The following CSMD3 variants were observed in gnomAD, a reference collection of about 807,000 sequenced individuals.
The protein encoded by CSMD3 is CUB and Sushi multiple domains 3.
In CSMD3, 177 loss-of-function variants were observed where a neutral mutation model predicts 435.2. The ratio of observed to expected loss-of-function variants is 0.41; its 90% CI spans 0.36 to 0.46. The LOEUF (loss-of-function observed/expected upper bound fraction) is 0.46, where lower values mean the gene tolerates loss of function less well. Among genes scored for constraint, CSMD3 ranks in the 20% least tolerant of loss-of-function variants. CSMD3 has a pLI of 0.34. For missense variants in CSMD3, 4,265 were observed against 4,504.6 expected (o/e 0.95, Z 1.52); for synonymous variants, 1,656 against 1,520.5 (o/e 1.09, Z -2.07).
chr8:112,727,701 A>G (rs1259221324), intron 13 of CSMD3, among the ~76,000 whole-genome samples: 2 of 151,832 alleles, frequency 1.3e-5, no homozygotes, highest in East Asian at 1.9e-4. Flanking sequence ...TTACAAGTAC[A>G]ATTACTGTGA....
chr8:112,811,500 T>TG (rs1237792776), intron 12 of CSMD3, among the ~76,000 whole-genome samples: 2 of 152,164 alleles, frequency 1.3e-5, no homozygotes, highest in Non-Finnish European at 2.9e-5. Flanking sequence ...GATTGTATCC[T>TG]GTCTTCCTGT....
chr8:112,557,234 T>G (rs563612863), intron 24 of CSMD3, among the ~76,000 whole-genome samples: 13 of 152,048 alleles, frequency 8.5e-5, no homozygotes, highest in African/African-American at 3.1e-4. Flanking sequence ...CTTCAAGTGA[T>G]TTAGAGTTAA....
At chr8:112,337,776 G>A (rs1357942430) in intron 42 of CSMD3, 45 bp from the exon 43 acceptor site, 5 of 1,503,574 alleles carry the variant, frequency 3.3e-6, no homozygotes, top group Non-Finnish European at 3.7e-6. Context: ...CCAAATTTCA[G>A]AGGCCACAGA....
At chr8:112,996,969 T>C (rs1206896920) in intron 6 of CSMD3, among the ~76,000 whole-genome samples, 4 of 151,662 alleles carry the variant, frequency 2.6e-5, no homozygotes, top group African/African-American at 7.3e-5. Flanking sequence ...TGTCTTCTCA[T>C]AGCCTGATTA....
intron 4 of CSMD3, among the ~76,000 whole-genome samples, chr8:113,155,818 A>T (rs1350312110): frequency 6.6e-6 from 1 of 152,050 alleles, no homozygotes; most frequent in Non-Finnish European, 1.5e-5. Context: ...TATGTAACTG[A>T]TGAATACTGA....
chr8:113,102,239 G>A (rs1412689875), intron 4 of CSMD3, among the ~76,000 whole-genome samples: 5 of 152,106 alleles, frequency 3.3e-5, no homozygotes, highest in Non-Finnish European at 7.4e-5. Context: ...TTCACAGAAA[G>A]TGGGGGGTTC....
chr8:113,334,297 A>ATTTTTTTTTTTTTTT (rs2094052880), intron 1 of CSMD3, among the ~76,000 whole-genome samples: 4 of 126,280 alleles, frequency 3.2e-5, no homozygotes, highest in Non-Finnish European at 1.6e-5. Flanking sequence ...TTTTTTTTTC[A>ATTTTTTTTTTTTTTT]TTTCCAGCCT....
At chr8:112,550,521 T>C (rs1827586274) in intron 27 of CSMD3, 150 bp downstream of exon 27, 2 of 578,890 alleles carry the variant, frequency 3.5e-6, no homozygotes, top group Non-Finnish European at 6.1e-6. Context: ...ATGTATATTT[T>C]ACCTTTGCTG....
chr8:113,214,414 G>T (rs10505201), intron 3 of CSMD3, among the ~76,000 whole-genome samples: 1 of 151,634 alleles, frequency 6.6e-6, no homozygotes, highest in African/African-American at 2.4e-5. Context: ...ATGCATGTTC[G>T]GTTATTTGAG....
At chr8:112,636,282 T>C (rs1202233014) in intron 22 of CSMD3, among the ~76,000 whole-genome samples, 1 of 152,114 alleles carries the variant, frequency 6.6e-6, no homozygotes, top group African/African-American at 2.4e-5. Flanking sequence ...ATCTATCAAA[T>C]ATTGAGCCAA....
chr8:112,581,638 A>T (rs1830343671), intron 23 of CSMD3, among the ~76,000 whole-genome samples: 1 of 152,108 alleles, frequency 6.6e-6, no homozygotes, highest in Admixed American at 6.6e-5. Context: ...AAGAATGTTT[A>T]TGGAGCATTT....
chr8:112,865,503 A>C (rs899890869), intron 10 of CSMD3, among the ~76,000 whole-genome samples: 1 of 152,004 alleles, frequency 6.6e-6, no homozygotes, highest in East Asian at 1.9e-4. Flanking sequence ...AAATTCTGTA[A>C]AGCTCTTTCC....
At chr8:112,607,505 C>T (rs75474766) in intron 22 of CSMD3, among the ~76,000 whole-genome samples, 5 of 152,046 alleles carry the variant, frequency 3.3e-5, no homozygotes, top group Non-Finnish European at 7.4e-5. Context: ...TAACCTGACA[C>T]CAAAGACAGA....
chr8:112,526,343 T>C (rs904191511), intron 27 of CSMD3, among the ~76,000 whole-genome samples: 1 of 152,022 alleles, frequency 6.6e-6, no homozygotes, highest in Non-Finnish European at 1.5e-5. Context: ...AAAGAGAACA[T>C]GGTACTGGCA....
At chr8:112,444,564 A>G (rs193020398) in intron 32 of CSMD3, among the ~76,000 whole-genome samples, 4 of 152,348 alleles carry the variant, frequency 2.6e-5, no homozygotes, top group African/African-American at 9.6e-5. Context: ...AATAACATGA[A>G]TGAATCTCAA....
chr8:113,041,620 T>C (rs770503571), intron 5 of CSMD3, among the ~76,000 whole-genome samples: 1 of 152,166 alleles, frequency 6.6e-6, no homozygotes, highest in Non-Finnish European at 1.5e-5. Flanking sequence ...TATCAACTGG[T>C]ATGAGTTATG....
chr8:112,494,493 TCCTTTCTTTCTTTCTTTCTTTCTTTC>T (rs1821060953), intron 30 of CSMD3, among the ~76,000 whole-genome samples: 1 of 101,720 alleles, frequency 9.8e-6, no homozygotes, highest in African/African-American at 3.6e-5. Flanking sequence ...TTTCTTTCTC[TCCTTTCTTTCTTTCTTTCTTTCTTTC>T]TTTCTTTCTT....
At chr8:112,310,549 T>C (rs1284646847) in intron 50 of CSMD3, 1 of 236,760 alleles carries the variant, frequency 4.2e-6, no homozygotes, top group Admixed American at 5.0e-5. Context: ...GTTACATTTT[T>C]CTCTTAAATT....
rs111546101 is a variant in CSMD3 at position 113,077,350 on chromosome 8, A to T, written c.917+21406T>A. Among the ~76,000 whole-genome samples the T allele has an allele frequency of 8.3e-3, 1,268 of 152,220 alleles. 30 individuals carry two copies. Among genetic ancestry groups the T allele is most frequent in the African/African-American group, 0.029 (1,189 of 41,544 alleles). On this transcript the variant is annotated intron_variant, in intron 5 of 70. Transcript: ENST00000297405. Reference sequence around the variant, plus strand: ...TCTAAAAAGTTACTAAAAGCAAAAAAAAAATAAAATTAAAGTTTAAAAACA... The same window carrying T: ...TCTAAAAAGTTACTAAAAGCAAAAATAAAATAAAATTAAAGTTTAAAAACA...
Sources: gnomAD v4.1 joint callset for allele counts (sites outside exome capture counted in the v4.1 genomes callset) on GRCh38, gnomAD v4.1.1 for gene constraint, MANE v1.5 for transcripts, NCBI Gene and HGNC (gene_info 2026-07-23, HGNC 2026-07-21) for gene names.